Variants in AMOTL1 observed in about 807,000 individuals in gnomAD.
AMOTL1 encodes angiomotin like 1.
A neutral mutation model predicts 102.9 loss-of-function variants in AMOTL1; 45 were observed. The observed-to-expected ratio is 0.44, with a 90% CI of 0.34 to 0.56. The LOEUF (loss-of-function observed/expected upper bound fraction) is 0.56. Ranked by LOEUF, AMOTL1 falls within the 20% of genes least tolerant of loss-of-function variation. AMOTL1 has a pLI of 0.01. For synonymous variants in AMOTL1, 481 were observed against 484.7 expected (o/e 0.99, Z 0.10); for missense variants, 1,114 against 1,225.6 (o/e 0.91, Z 1.36).
chr11:94,786,502 G>A (rs1408933877), intron 1 of AMOTL1, among the ~76,000 whole-genome samples: 1 of 152,214 alleles, frequency 6.6e-6, no homozygotes, highest in African/African-American at 2.4e-5. Flanking sequence ...GAGGAGGAGG[G>A]GAGCACGCCT....
intron 1 of AMOTL1, among the ~76,000 whole-genome samples, chr11:94,783,293 A>G (rs1242884167): frequency 6.6e-6 from 1 of 152,352 alleles, no homozygotes; most frequent in East Asian, 1.9e-4. Context: ...TGTTCAGAAC[A>G]GAACAATACC....
Position 94,725,656 on chromosome 11 carries a change from A to G in AMOTL1, c.-50-3265A>G, listed in dbSNP as rs148290323. 1.6e-3 allele frequency among the ~76,000 whole-genome samples: 247 copies of G among 152,256 alleles called. 1 individual carries two copies. Among genetic ancestry groups the G allele is most frequent in the African/African-American group, 5.5e-3 (228 of 41,548 alleles). On this transcript the variant is annotated intron_variant, in intron 1 of 4. Coordinates refer to the AMOTL1 transcript ENST00000299004. ...CTGTGGGAGCCTCTGAGGAACACAG[A>G]ACCAAGTCTAAGATGAGATGTGGAA...
chr11:94,782,393 G>A (rs563363558), intron 1 of AMOTL1, among the ~76,000 whole-genome samples: 8 of 152,128 alleles, frequency 5.3e-5, no homozygotes, highest in Admixed American at 3.9e-4. Flanking sequence ...TCTGATGATT[G>A]AAATCCATGG....
intron 6 of AMOTL1, among the ~76,000 whole-genome samples, chr11:94,845,237 G>T (rs1286141193): frequency 6.6e-6 from 1 of 152,180 alleles, no homozygotes; most frequent in Non-Finnish European, 1.5e-5. Context: ...ACCTTACCCA[G>T]AACTGACAAA....
intron 3 of AMOTL1, among the ~76,000 whole-genome samples, chr11:94,754,512 GTGTC>G (rs998438832): frequency 2.6e-5 from 4 of 152,224 alleles, no homozygotes; most frequent in Admixed American, 6.5e-5. Flanking sequence ...ATGCCTCACA[GTGTC>G]TGTTTTGCTT....
upstream of AMOTL1, among the ~76,000 whole-genome samples, chr11:94,767,506 G>A (rs1317408039): frequency 6.6e-6 from 1 of 152,060 alleles, no homozygotes; most frequent in Non-Finnish European, 1.5e-5. Flanking sequence ...CTTGGTGTGC[G>A]CTAACTCTCC....
intron 6 of AMOTL1, among the ~76,000 whole-genome samples, chr11:94,849,801 T>C (rs1031905656): frequency 6.6e-6 from 1 of 152,140 alleles, no homozygotes; most frequent in East Asian, 1.9e-4. Flanking sequence ...TAAAATGTAA[T>C]AGTAGATACA....
In AMOTL1 at chr11:94,810,827, A is replaced by G. The variant is rs549022676; in HGVS notation, c.1121+10516A>G. Among the ~76,000 whole-genome samples the G allele has an allele frequency of 4.1e-3, 386 of 95,290 alleles. 2 individuals are homozygous for G. The highest frequency in any genetic ancestry group is 0.017 in the African/African-American group (378 of 22,824). The allele number at this position is 95,290 out of a possible 152,430, so 62.5% of individuals were successfully genotyped here. On this transcript the variant is annotated intron_variant, in intron 3 of 12. Transcript: ENST00000433060. Reference sequence around the variant, plus strand: ...AAGAAAGATCCTAGGAGAGAAAAATAAAAGACACACACACACACACACACA... The same window carrying G: ...AAGAAAGATCCTAGGAGAGAAAAATGAAAGACACACACACACACACACACA...
chr11:94,834,742 G>A (rs1166951319), intron 6 of AMOTL1, among the ~76,000 whole-genome samples: 1 of 152,100 alleles, frequency 6.6e-6, no homozygotes, highest in African/African-American at 2.4e-5. Flanking sequence ...GTGTTCGCAC[G>A]GAAACTAGCC....
chr11:94,846,844 A>G (rs1159549855), intron 6 of AMOTL1, among the ~76,000 whole-genome samples: 2 of 152,216 alleles, frequency 1.3e-5, no homozygotes, highest in African/African-American at 4.8e-5. Context: ...CTGGAAAATA[A>G]GAATTATGGT....
intron 3 of AMOTL1, among the ~76,000 whole-genome samples, chr11:94,821,254 C>T (rs147812302): frequency 5.9e-5 from 9 of 152,292 alleles, no homozygotes; most frequent in Admixed American, 2.0e-4. Context: ...GTACTTGTTA[C>T]GTTTTGATAC....
rs1442245954 is a variant in AMOTL1 at position 94,875,228 on chromosome 11, T to G, written c.*4433T>G. The stretch of plus-strand genomic sequence containing the variant: ...CTCCATGGGAGATAGGCAAAGTAAT[T>G]AAGAAGTTACCAGAAATTGGTCGGC... On this transcript the variant is annotated 3_prime_UTR_variant, in exon 13 of 13. Coordinates refer to ENST00000433060, the MANE Select transcript of AMOTL1 (RefSeq NM_130847.3). 1 of 152,236 alleles carries G rather than the reference T, an allele frequency of 6.6e-6. No individual in the cohort carries two copies. The highest frequency in any genetic ancestry group is 6.5e-5 in the Admixed American group (1 of 15,290). 9.4% of individuals were successfully genotyped at this position (152,236 alleles called of 1,614,324 possible).
At chr11:94,754,609 T>G (rs577069696) in intron 3 of AMOTL1, among the ~76,000 whole-genome samples, 2 of 152,316 alleles carry the variant, frequency 1.3e-5, no homozygotes, top group South Asian at 4.1e-4. Flanking sequence ...ATTTCACTCC[T>G]TTTTCCATCC....
At chr11:94,744,484 T>C (rs1284612460) in intron 3 of AMOTL1, among the ~76,000 whole-genome samples, 2 of 152,198 alleles carry the variant, frequency 1.3e-5, no homozygotes, top group African/African-American at 4.8e-5. Flanking sequence ...CCATTAGGCA[T>C]GATTGATTGA....
chr11:94,749,048 G>A (rs1344954040), intron 3 of AMOTL1, among the ~76,000 whole-genome samples: 1 of 152,180 alleles, frequency 6.6e-6, no homozygotes, highest in East Asian at 1.9e-4. Flanking sequence ...TGGATGAGAG[G>A]GAATTTATTA....
Position 94,799,839 on chromosome 11 carries a change from G to T in AMOTL1, c.649G>T (p.Gly217Cys). The T allele has an allele frequency of 1.9e-6, 3 of 1,593,338 alleles. No individual in the cohort carries two copies. Among genetic ancestry groups the T allele is most frequent in the Non-Finnish European group, 2.6e-6 (3 of 1,169,548 alleles). Residue 217 changes from glycine (G) to cysteine (C), a missense_variant, in exon 3 of 13, where the codon GGT (glycine) becomes TGT (cysteine). Coordinates refer to ENST00000433060, the MANE Select transcript of AMOTL1 (RefSeq NM_130847.3). This position sits in a 1 kb window ranked among gnomAD's most constrained non-coding sequence, Gnocchi z 4.5. ...ACAGCAGCAGGGGGCGGTGGGCCATGGTTACTACATGGCAGGGGGCACCAG... is the reference window on the plus strand; with the variant it reads ...ACAGCAGCAGGGGGCGGTGGGCCATTGTTACTACATGGCAGGGGGCACCAG... ...QQQQQGAVGH[G>C]YYMAGGTSQK...
At chr11:94,764,400 T>C (rs746592024), upstream of AMOTL1, among the ~76,000 whole-genome samples, 18 of 152,206 alleles carry the variant, frequency 1.2e-4, no homozygotes, top group Non-Finnish European at 1.9e-4. Context: ...GTTTCATAAG[T>C]TACACTTCAG....
chr11:94,875,922 G>C lies in AMOTL1; in HGVS notation c.*5127G>C, dbSNP rs966700287. ...TGCATAATCATTCATATAAACATCT[G>C]GTAGGTATTCTGTAAAACTGTGTTT... On this transcript the variant is annotated 3_prime_UTR_variant, in exon 13 of 13. Coordinates refer to ENST00000433060, the MANE Select transcript of AMOTL1 (RefSeq NM_130847.3). The C allele has an allele frequency of 1.3e-5, 2 of 152,554 alleles. No homozygotes were observed. Among genetic ancestry groups the C allele is most frequent in the African/African-American group, 4.8e-5 (2 of 41,420 alleles). 9.5% of individuals were successfully genotyped at this position (152,554 alleles called of 1,614,324 possible).
At chr11:94,740,362 T>C (rs989398370) in intron 2 of AMOTL1, 7 of 152,004 alleles carry the variant, frequency 4.6e-5, no homozygotes, top group Non-Finnish European at 1.0e-4. Flanking sequence ...TTTTGGAAAA[T>C]GGGCAAACGG....
Sources: allele counts gnomAD v4.1 joint callset (sites outside exome capture counted in the v4.1 genomes callset), GRCh38; gene constraint gnomAD v4.1.1; non-coding constraint Gnocchi (gnomAD v3.1); transcripts MANE v1.5; gene names NCBI Gene and HGNC (gene_info 2026-07-23, HGNC 2026-07-21).